RGS6: variants seen among roughly 807,000 people sequenced by gnomAD.
RGS6 encodes the protein regulator of G protein signaling 6, also known as regulator of G-protein signaling 6.
Under a neutral mutation model 78.5 loss-of-function variants are expected in RGS6, and 30 were observed. The observed-to-expected ratio is 0.38, with a 90% CI of 0.29 to 0.52. RGS6 has a LOEUF of 0.52. Among genes scored for constraint, RGS6 ranks in the 20% least tolerant of loss-of-function variants. The pLI is 0.85. For missense variants in RGS6, 495 were observed against 609.7 expected (o/e 0.81, Z 1.98); for synonymous variants, 206 against 206.0 (o/e 1.00, Z 0.00).
intron 2 of RGS6, among the ~76,000 whole-genome samples, chr14:72,310,670 G>A (rs974789483): frequency 2.0e-5 from 3 of 152,200 alleles, no homozygotes; most frequent in African/African-American, 7.2e-5. Context: ...GGATTCTGCA[G>A]TGAAGGCTGG....
the RGS6 span, among the ~76,000 whole-genome samples, chr14:72,575,766 C>T: frequency 6.6e-6 from 1 of 152,232 alleles, no homozygotes; most frequent in Non-Finnish European, 1.5e-5. Context: ...GGTGTCAAAA[C>T]ATCCATAATG....
intron 15 of RGS6, among the ~76,000 whole-genome samples, chr14:72,521,063 A>G (rs2097031275): frequency 1.3e-5 from 2 of 152,350 alleles, no homozygotes; most frequent in Middle Eastern, 3.4e-3. Flanking sequence ...TTCAGTCGAC[A>G]GAGCTAGGAA....
intron 2 of RGS6, among the ~76,000 whole-genome samples, chr14:72,001,676 C>T (rs903972225): frequency 2.6e-5 from 4 of 151,990 alleles, no homozygotes; most frequent in Non-Finnish European, 5.9e-5. Context: ...TCATCTGAGT[C>T]TTGTATGGTT....
chr14:72,043,657 A>G (rs1352325775), intron 2 of RGS6, among the ~76,000 whole-genome samples: 1 of 151,884 alleles, frequency 6.6e-6, no homozygotes, highest in African/African-American at 2.4e-5. Flanking sequence ...AAAATTTCTT[A>G]TTTGACTTTG....
At chr14:72,308,409 T>A (rs1254382320) in intron 2 of RGS6, among the ~76,000 whole-genome samples, 1 of 152,160 alleles carries the variant, frequency 6.6e-6, no homozygotes, top group African/African-American at 2.4e-5. Context: ...CCTCCAAACT[T>A]CATATTTTCC....
chr14:72,277,328 T>C (rs1176490941), intron 2 of RGS6, among the ~76,000 whole-genome samples: 1 of 152,238 alleles, frequency 6.6e-6, no homozygotes, highest in Admixed American at 6.5e-5. Context: ...CCGGGTGCGG[T>C]GGCTCACGCC....
chr14:72,420,053 G>C (rs1487614886), intron 3 of RGS6, among the ~76,000 whole-genome samples: 5 of 152,208 alleles, frequency 3.3e-5, no homozygotes, highest in Admixed American at 6.5e-5. Flanking sequence ...GAGGGAAGCT[G>C]AGCTAAAAGC....
intron 2 of RGS6, among the ~76,000 whole-genome samples, chr14:72,009,646 C>T (rs2085283933): frequency 6.6e-6 from 1 of 152,186 alleles, no homozygotes; most frequent in African/African-American, 2.4e-5. Context: ...TCTTGAGGAC[C>T]TCCAACCCAG....
At chr14:72,384,417 T>C (rs1183842775) in intron 3 of RGS6, among the ~76,000 whole-genome samples, 1 of 152,252 alleles carries the variant, frequency 6.6e-6, no homozygotes, top group African/African-American at 2.4e-5. Context: ...GTATGTTTTT[T>C]CCTATCTTTT....
At chr14:72,262,471 A>G (rs1242244654) in intron 2 of RGS6, among the ~76,000 whole-genome samples, 1 of 152,174 alleles carries the variant, frequency 6.6e-6, no homozygotes, top group Non-Finnish European at 1.5e-5. Context: ...TAAAGACACC[A>G]ATGCTACCTA....
At chr14:72,318,779 C>A (rs1025255997) in intron 2 of RGS6, among the ~76,000 whole-genome samples, 2 of 152,104 alleles carry the variant, frequency 1.3e-5, no homozygotes, top group African/African-American at 4.8e-5. Flanking sequence ...AAGTAGAAAA[C>A]CTCCCTGGAC....
At chr14:71,938,522 T>C (rs2152947907) in intron 1 of RGS6, among the ~76,000 whole-genome samples, 1 of 152,186 alleles carries the variant, frequency 6.6e-6, no homozygotes, top group East Asian at 1.9e-4. Flanking sequence ...CCTAGTCTTC[T>C]CCTCCTCTGT....
At chr14:72,188,593 C>G (rs1430635483) in intron 2 of RGS6, among the ~76,000 whole-genome samples, 1 of 152,194 alleles carries the variant, frequency 6.6e-6, no homozygotes, top group African/African-American at 2.4e-5. Flanking sequence ...TCCCTTCAGT[C>G]ATTGTTACGT....
intron 2 of RGS6, among the ~76,000 whole-genome samples, chr14:71,994,166 T>G (rs996037976): frequency 1.3e-5 from 2 of 152,082 alleles, no homozygotes; most frequent in African/African-American, 4.8e-5. Flanking sequence ...TCCTTTCCTT[T>G]GTTTAGCCTG....
At chr14:72,227,681 G>T (rs2048449857) in intron 2 of RGS6, among the ~76,000 whole-genome samples, 1 of 152,124 alleles carries the variant, frequency 6.6e-6, no homozygotes, top group Non-Finnish European at 1.5e-5. Context: ...TATTTTATTA[G>T]ATGTTAAAGT....
At chr14:72,378,015 A>T (rs2085192849) in intron 3 of RGS6, among the ~76,000 whole-genome samples, 1 of 152,200 alleles carries the variant, frequency 6.6e-6, no homozygotes, top group Non-Finnish European at 1.5e-5. Flanking sequence ...TCAAGTATTT[A>T]ATCTGACCGC....
At chr14:72,488,112 T>G (rs1051885438) in intron 12 of RGS6, among the ~76,000 whole-genome samples, 2 of 152,240 alleles carry the variant, frequency 1.3e-5, no homozygotes, top group Admixed American at 6.5e-5. Context: ...TTTATGTAAC[T>G]TAACAAAATA....
At chr14:72,086,663 A>G (rs1228354494) in intron 2 of RGS6, among the ~76,000 whole-genome samples, 1 of 152,186 alleles carries the variant, frequency 6.6e-6, no homozygotes, top group Non-Finnish European at 1.5e-5. Context: ...CCTGGTTGCA[A>G]CTGTGAACCA....
At chr14:71,984,936 A>T (rs751127187) in intron 2 of RGS6, among the ~76,000 whole-genome samples, 1 of 152,146 alleles carries the variant, frequency 6.6e-6, no homozygotes, top group African/African-American at 2.4e-5. Flanking sequence ...ACATATTCCT[A>T]TCATGCAAAT....
Sources: allele counts gnomAD v4.1 joint callset (sites outside exome capture counted in the v4.1 genomes callset), GRCh38; gene constraint gnomAD v4.1.1; transcripts MANE v1.5; gene names NCBI Gene and HGNC (gene_info 2026-07-23, HGNC 2026-07-21).